NUP205: variants seen among roughly 807,000 people sequenced by gnomAD.
NUP205 encodes the protein nucleoporin 205.
NUP205 carries 76 observed loss-of-function variants against 253.8 expected under a neutral mutation model. The observed-to-expected ratio is 0.30, with a 90% confidence interval of 0.25 to 0.36. The LOEUF (loss-of-function observed/expected upper bound fraction) is 0.36, where lower values mean the gene tolerates loss of function less well. Ranked by LOEUF, NUP205 falls within the 10% of genes least tolerant of loss-of-function variation. The pLI is 1.00. For synonymous variants in NUP205, 832 were observed against 850.1 expected, an observed-to-expected ratio of 0.98 and a Z score of 0.37; for missense variants, 2,162 against 2,425.5, an observed-to-expected ratio of 0.89 and a Z score of 2.28.
chr7:135,598,976 T>G (rs912850936), intron 15 of NUP205: 1 of 152,194 alleles, frequency 6.6e-6, no homozygotes, highest in African/African-American at 2.4e-5. Flanking sequence ...TACCCTTGGT[T>G]GTATCTTGTA....
rs1487948598 is a variant in NUP205 at position 135,638,045 on chromosome 7, C to T, written c.5251C>T (p.Leu1751=). ...DKVSKKDEIE[L]AMQQICANVM... ...AGTAAGCAAGAAAGATGAGATTGAACTGGCTATGCAGCAGGTAAGAACCAT... is the reference window on the plus strand; with the variant it reads ...AGTAAGCAAGAAAGATGAGATTGAATTGGCTATGCAGCAGGTAAGAACCAT... Residue 1751 remains leucine (L), a synonymous_variant, in exon 37 of 43, where the codon CTG becomes TTG. Coordinates refer to ENST00000285968, the MANE Select transcript of NUP205 (RefSeq NM_015135.3). The T allele has an allele frequency of 1.9e-6, 3 of 1,613,484 alleles. No individual in the cohort carries two copies. Among genetic ancestry groups the T allele is most frequent in the African/African-American group, 1.3e-5 (1 of 74,852 alleles).
At chr7:135,583,176 TC>T in intron 7 of NUP205, among the ~76,000 whole-genome samples, 1 of 152,282 alleles carries the variant, frequency 6.6e-6, no homozygotes, top group African/African-American at 2.4e-5. Flanking sequence ...TTTTATCTGT[TC>T]CTGGCCCTTT....
Position 135,597,351 on chromosome 7 carries a change from C to T in NUP205, c.2014-17C>T. 6.3e-7 allele frequency: 1 copy of T among 1,595,660 alleles called. No homozygotes were observed. Among genetic ancestry groups the T allele is most frequent in the South Asian group, 1.1e-5 (1 of 90,504 alleles). ...GAATGAGGAATGCTCCTGACATCTA[C>T]TTCTTACTATTTTAAGATACTGCAG... On this transcript the variant is annotated splice_polypyrimidine_tract_variant and intron_variant, in intron 13 of 42. Transcript: ENST00000285968.
Position 135,587,648 on chromosome 7 carries a change from C to G in NUP205, c.1292C>G (p.Pro431Arg), listed in dbSNP as rs1806506825. Residue 431 changes from proline (P) to arginine (R), a missense_variant, in exon 9 of 43, where the codon CCC becomes CGC. By Grantham distance (103) the Pro-to-Arg change is moderately radical (BLOSUM62 -2). Around this residue, in one of 5 missense-constraint regions of NUP205, gnomAD observed 892 missense variants for 957.1 expected, o/e 0.93. Transcript: ENST00000285968. ...ATGAGTATGCAGATGGGTAATGAACCCCCCATTTCACTTAGAAGGGACCTG... is the reference window on the plus strand; with the variant it reads ...ATGAGTATGCAGATGGGTAATGAACGCCCCATTTCACTTAGAAGGGACCTG... ...IHMSMQMGNE[P>R]PISLRRDLEH... 1 of 1,609,686 alleles carries G rather than the reference C, an allele frequency of 6.2e-7. No homozygotes were observed. Among genetic ancestry groups the G allele is most frequent in the South Asian group, 1.1e-5 (1 of 90,166 alleles).
chr7:135,574,039 A>G (rs1299545228), intron 3 of NUP205, among the ~76,000 whole-genome samples: 4 of 151,862 alleles, frequency 2.6e-5, no homozygotes, highest in Admixed American at 2.0e-4. Flanking sequence ...GTGGCATGAT[A>G]TCGGCTCACT....
chr7:135,625,715 AAC>A (rs1290363865), intron 32 of NUP205, among the ~76,000 whole-genome samples: 2 of 152,188 alleles, frequency 1.3e-5, no homozygotes, highest in African/African-American at 4.8e-5. Flanking sequence ...TTCTATTCTA[AAC>A]ACAGCATTTT....
At chr7:135,583,581 G>A (rs962132814) in intron 7 of NUP205, among the ~76,000 whole-genome samples, 35 of 152,114 alleles carry the variant, frequency 2.3e-4, no homozygotes, top group Admixed American at 8.5e-4. Context: ...CCAACATGTT[G>A]AAACCCTGTC....
At chr7:135,598,981 C>A (rs1793908545) in intron 15 of NUP205, 1 of 151,918 alleles carries the variant, frequency 6.6e-6, no homozygotes, top group South Asian at 2.1e-4. Context: ...TTGGTTGTAT[C>A]TTGTAGGAAT....
Position 135,635,620 on chromosome 7 carries a change from C to G in NUP205, c.5099C>G (p.Ser1700Cys), listed in dbSNP as rs563271104. The G allele has an allele frequency of 1.8e-5, 29 of 1,595,610 alleles. No individual in the cohort carries two copies. The South Asian group carries it at 2.8e-4, about 15-fold the overall frequency. The change falls in exon 36 of 43, where the codon TCT becomes TGT. Residue 1700 changes from serine to cysteine, a missense_variant. Physicochemically the swap from Ser to Cys is moderately radical, Grantham distance 112. Around this residue, in one of 5 missense-constraint regions of NUP205, gnomAD observed 1,144 missense variants for 1,280.9 expected, o/e 0.89. Coordinates refer to ENST00000285968, the MANE Select transcript of NUP205 (RefSeq NM_015135.3). ...SELDVDVNEG[S>C]LMELQGHIGR... ...CTTGACGTTGATGTAAATGAAGGGTCTCTAATGGAGCTACAGGGACATATT... is the reference window on the plus strand; with the variant it reads ...CTTGACGTTGATGTAAATGAAGGGTGTCTAATGGAGCTACAGGGACATATT...
chr7:135,623,444 A>G (rs750484924), intron 31 of NUP205, among the ~76,000 whole-genome samples: 3 of 152,112 alleles, frequency 2.0e-5, no homozygotes, highest in Non-Finnish European at 4.4e-5. Context: ...CTTAATTCAG[A>G]ATTGCCTTTC....
chr7:135,635,134 T>C (rs1794783741), intron 35 of NUP205, among the ~76,000 whole-genome samples: 1 of 152,194 alleles, frequency 6.6e-6, no homozygotes, highest in African/African-American at 2.4e-5. Context: ...AACTAAGAAG[T>C]TGAATGGAAA....
chr7:135,623,626 T>C (rs1794521268), intron 31 of NUP205, among the ~76,000 whole-genome samples: 1 of 152,232 alleles, frequency 6.6e-6, no homozygotes, highest in Non-Finnish European at 1.5e-5. Context: ...TACAGTATGG[T>C]GGCACACTGG....
intron 22 of NUP205, among the ~76,000 whole-genome samples, chr7:135,612,262 C>G (rs558989399): frequency 1.3e-5 from 2 of 152,270 alleles, no homozygotes; most frequent in South Asian, 4.1e-4. Flanking sequence ...AAAATACAGG[C>G]TAGGATTCCT....
Position 135,576,425 on chromosome 7 carries a change from T to G in NUP205, c.488+11T>G. The G allele has an allele frequency of 1.9e-6, 3 of 1,601,136 alleles. No homozygotes were observed. The highest frequency in any genetic ancestry group is 2.6e-6 in the Non-Finnish European group (3 of 1,174,826). The stretch of plus-strand genomic sequence containing the variant: ...GACCCTAGAACTCAGGTCTTTTTAC[T>G]TCTTGGGATTTCAGGGGTTAATTTG... On this transcript the variant is annotated intron_variant, in intron 4 of 42. Transcript: ENST00000285968.
chr7:135,619,815 T>G lies in NUP205; in HGVS notation c.4257T>G (p.Thr1419=). The part of the protein sequence containing the change: ...KTGGGFQRVR[T]HLYGSLLYYL... The stretch of plus-strand genomic sequence containing the variant: ...GTGGTGGATTCCAACGAGTGAGGAC[T>G]CACTTGTATGGCTCTCTGCTTTATT... Residue 1419 remains threonine, a synonymous_variant, in exon 30 of 43, where the codon ACT becomes ACG. Transcript: ENST00000285968. 2 of 1,613,598 alleles carry G rather than the reference T, an allele frequency of 1.2e-6. No homozygotes were observed. Among genetic ancestry groups the G allele is most frequent in the East Asian group, 4.5e-5 (2 of 44,876 alleles).
chr7:135,645,807 C>T, intron 41 of NUP205: 1 of 589,652 alleles, frequency 1.7e-6, no homozygotes, highest in Non-Finnish European at 3.0e-6. Context: ...AGAGCCTGCT[C>T]ATCAGCTGTT....
intron 2 of NUP205, among the ~76,000 whole-genome samples, chr7:135,571,582 G>A (rs773972235): frequency 2.0e-5 from 3 of 151,796 alleles, no homozygotes; most frequent in South Asian, 2.1e-4. Context: ...TAATTTTTGT[G>A]AGCACATAAA....
At chr7:135,616,769 A>C in intron 25 of NUP205, 43 bp downstream of exon 25, 1 of 1,159,984 alleles carries the variant, frequency 8.6e-7, no homozygotes, top group Non-Finnish European at 1.2e-6. Flanking sequence ...TTATAGACAT[A>C]TATTAAAAAA....
chr7:135,570,737 A>T (rs1204747399), intron 1 of NUP205, among the ~76,000 whole-genome samples: 1 of 99,102 alleles, frequency 1.0e-5, no homozygotes, highest in African/African-American at 4.1e-5. Context: ...TATATATTAT[A>T]TTAATATATT....
Sources: gnomAD v4.1 joint callset for allele counts (sites outside exome capture counted in the v4.1 genomes callset) on GRCh38, gnomAD v4.1.1 for gene constraint, gnomAD v4.1.1 regional missense constraint, MANE v1.5 for transcripts, NCBI Gene and HGNC (gene_info 2026-07-23, HGNC 2026-07-21) for gene names.